The following TARS3 variants were observed in gnomAD, a reference collection of about 807,000 sequenced individuals.
TARS3 encodes the protein threonyl-tRNA synthetase 3.
A neutral mutation model predicts 103.5 loss-of-function variants in TARS3; 94 were observed. The observed-to-expected ratio is 0.91, with a 90% confidence interval of 0.77 to 1.08. The LOEUF is 1.08. TARS3 is among the 50% of genes least tolerant of loss of function. The pLI, the probability that TARS3 is intolerant of heterozygous loss-of-function variation, is 0.00. For synonymous variants in TARS3, 416 were observed against 355.4 expected (o/e 1.17, Z -1.92); for missense variants, 952 against 995.2 (o/e 0.96, Z 0.58).
chr15:101,710,625 T>C (rs999912486), intron 5 of TARS3, among the ~76,000 whole-genome samples: 1 of 152,200 alleles, frequency 6.6e-6, no homozygotes, highest in Non-Finnish European at 1.5e-5. Flanking sequence ...AGAATTGTTG[T>C]AGGTAAACAC....
chr15:101,671,409 T>C (rs1897796748), intron 15 of TARS3, 77 bp downstream of exon 15: 1 of 1,073,154 alleles, frequency 9.3e-7, no homozygotes, highest in African/African-American at 1.6e-5. Context: ...CTAATGTTTA[T>C]TTTTGCATTG....
intron 4 of TARS3, 149 bp from the exon 5 acceptor site, chr15:101,712,150 G>T: frequency 1.2e-6 from 1 of 827,214 alleles, no homozygotes; most frequent in Non-Finnish European, 1.8e-6. Flanking sequence ...AATCTTCGAT[G>T]CCCACTTAGA....
chr15:101,657,713 GAC>G, intron 17 of TARS3, 70 bp downstream of exon 17: 1 of 1,015,950 alleles, frequency 9.8e-7, no homozygotes, highest in Non-Finnish European at 1.4e-6. Context: ...AAGCATGAAG[GAC>G]ACTCCAAATC....
intron 15 of TARS3, among the ~76,000 whole-genome samples, chr15:101,669,990 A>G (rs1401430241): frequency 1.3e-5 from 2 of 152,256 alleles, no homozygotes; most frequent in Non-Finnish European, 2.9e-5. Flanking sequence ...GATGCAAACA[A>G]TGAATCTTGA....
intron 16 of TARS3, among the ~76,000 whole-genome samples, chr15:101,658,162 G>A (rs768475381): frequency 1.5e-4 from 23 of 152,102 alleles, no homozygotes; most frequent in South Asian, 2.1e-4. Context: ...AAATGAAAGC[G>A]CAGGTTCACA....
At chr15:101,655,425 G>A (rs576958048) in intron 18 of TARS3, among the ~76,000 whole-genome samples, 30 of 141,718 alleles carry the variant, frequency 2.1e-4, no homozygotes, top group Non-Finnish European at 4.3e-4. Context: ...GCAAATGAGA[G>A]CGGGGAGCTC....
intron 12 of TARS3, among the ~76,000 whole-genome samples, chr15:101,683,674 GTA>G (rs1447442940): frequency 9.2e-5 from 14 of 152,160 alleles, no homozygotes; most frequent in African/African-American, 3.4e-4. Flanking sequence ...ACCAAAGAAT[GTA>G]TATTCTGCTG....
At chr15:101,662,764 G>A (rs1897432381) in intron 15 of TARS3, among the ~76,000 whole-genome samples, 1 of 152,066 alleles carries the variant, frequency 6.6e-6, no homozygotes, top group Non-Finnish European at 1.5e-5. Flanking sequence ...GTGTAGGGAA[G>A]AAAGAGAAGC....
intron 10 of TARS3, among the ~76,000 whole-genome samples, chr15:101,698,340 A>T (rs533824332): frequency 9.6e-4 from 146 of 152,240 alleles, no homozygotes; most frequent in African/African-American, 2.8e-3. Flanking sequence ...CTCAAAGAAA[A>T]ATAAAAAATA....
chr15:101,711,853 T>C, intron 5 of TARS3, 27 bp downstream of exon 5: 1 of 1,610,678 alleles, frequency 6.2e-7, no homozygotes, highest in Non-Finnish European at 8.5e-7. Context: ...AACACATGCA[T>C]TCACAAGCCA....
rs1286599879 is a variant in TARS3 at position 101,714,981 on chromosome 15, A to G, written c.567-18T>C. On this transcript the variant is annotated intron_variant, in intron 3 of 18. Transcript: ENST00000335968. ...GTTCCTGACTAAGAAGACAAAAGCC[A>G]CTTGGGAGTTAACTTTATCACTGTT... 2 of 1,600,464 alleles carry G rather than the reference A, an allele frequency of 1.2e-6. No individual in the cohort carries two copies. The highest frequency in any genetic ancestry group is 3.4e-5 in the Admixed American group (2 of 58,106).
chr15:101,684,460 A>T (rs962565306), intron 11 of TARS3, among the ~76,000 whole-genome samples: 2 of 152,132 alleles, frequency 1.3e-5, no homozygotes, highest in African/African-American at 4.8e-5. Flanking sequence ...TCTTCCCAGA[A>T]ATGCTGTTCC....
chr15:101,688,293 T>C (rs911371681), intron 10 of TARS3, among the ~76,000 whole-genome samples: 2 of 152,158 alleles, frequency 1.3e-5, no homozygotes, highest in Admixed American at 6.5e-5. Context: ...ATTTGAACTT[T>C]TCAAGAGAAA....
At chr15:101,684,542 G>T (rs1898386969) in intron 11 of TARS3, among the ~76,000 whole-genome samples, 1 of 152,128 alleles carries the variant, frequency 6.6e-6, no homozygotes, top group Non-Finnish European at 1.5e-5. Context: ...CTTAAATGAA[G>T]CCCTCCTAGA....
At chr15:101,710,551 A>T (rs1202718254) in intron 5 of TARS3, among the ~76,000 whole-genome samples, 2 of 152,202 alleles carry the variant, frequency 1.3e-5, no homozygotes, top group Non-Finnish European at 2.9e-5. Flanking sequence ...TAGACACCTC[A>T]TTGGTGTCCA....
chr15:101,719,131 C>T (rs771161248), intron 3 of TARS3, among the ~76,000 whole-genome samples: 1 of 152,222 alleles, frequency 6.6e-6, no homozygotes, highest in Non-Finnish European at 1.5e-5. Context: ...CAAGCACTAA[C>T]TGCTGCCAGG....
chr15:101,679,415 AATATT>A (rs1460854042), intron 12 of TARS3, among the ~76,000 whole-genome samples: 1 of 152,088 alleles, frequency 6.6e-6, no homozygotes, highest in African/African-American at 2.4e-5. Flanking sequence ...CTATTCACTG[AATATT>A]ATATTTCTCA....
chr15:101,668,671 CATG>C (rs1168885993), intron 15 of TARS3, among the ~76,000 whole-genome samples: 1 of 152,144 alleles, frequency 6.6e-6, no homozygotes, highest in Non-Finnish European at 1.5e-5. Context: ...CAGTGTGAAG[CATG>C]ATAAAACAAG....
At chr15:101,724,067 C>T (rs749988864) in intron 1 of TARS3, 24 bp downstream of exon 1, 4 of 1,355,476 alleles carry the variant, frequency 3.0e-6, no homozygotes, top group Non-Finnish European at 3.8e-6. Flanking sequence ...CGCGTCCTCT[C>T]CAGTGTCCCC....
Sources: gnomAD v4.1 joint callset for allele counts (sites outside exome capture counted in the v4.1 genomes callset) on GRCh38, gnomAD v4.1.1 for gene constraint, MANE v1.5 for transcripts, NCBI Gene and HGNC (gene_info 2026-07-23, HGNC 2026-07-21) for gene names.